Variants in RHOBTB3 observed in about 807,000 individuals in gnomAD.
RHOBTB3 encodes the protein Rho related BTB domain containing 3, also known as rho-related BTB domain-containing protein 3.
In RHOBTB3, 47 loss-of-function variants were observed where a neutral mutation model predicts 67.2. The observed-to-expected ratio is 0.70, with a 90% CI of 0.55 to 0.89. RHOBTB3 has a LOEUF of 0.89. Among genes scored for constraint, RHOBTB3 ranks in the 40% least tolerant of loss-of-function variants. RHOBTB3 has a pLI of 0.00. For synonymous variants in RHOBTB3, 273 were observed against 274.2 expected (o/e 1.00, Z 0.04); for missense variants, 631 against 750.0 (o/e 0.84, Z 1.85).
chr5:95,792,684 C>T (rs1480819377), intron 11 of RHOBTB3, among the ~76,000 whole-genome samples: 3 of 148,868 alleles, frequency 2.0e-5, no homozygotes, highest in African/African-American at 7.4e-5. Flanking sequence ...CCCAACTACT[C>T]GGGAGGCTGA....
In RHOBTB3 at chr5:95,755,648, C is replaced by G. The variant is rs183162694; in HGVS notation, c.935C>G (p.Thr312Ser). The stretch of plus-strand genomic sequence containing the variant: ...GATCTTTTTGCTATAAACAGAGATA[C>G]TGCATTTCCAGGTGCTAGCCATGAA... ...TQDLFAINRD[T>S]AFPGASHESS... Residue 312 changes from threonine to serine, a missense_variant, in exon 6 of 12, where the codon ACT (threonine) becomes AGT (serine). By Grantham distance (58) the Thr-to-Ser change is moderately conservative. Coordinates refer to ENST00000379982, the MANE Select transcript of RHOBTB3 (RefSeq NM_014899.4). 1 of 1,614,212 alleles carries G rather than the reference C, an allele frequency of 6.2e-7. No individual in the cohort carries two copies. Among genetic ancestry groups the G allele is most frequent in the South Asian group, 1.1e-5 (1 of 91,076 alleles).
chr5:95,751,493 A>T (rs781386756), intron 4 of RHOBTB3: 2 of 151,234 alleles, frequency 1.3e-5, no homozygotes, highest in Admixed American at 1.3e-4. Context: ...GAATATATAT[A>T]TATATTTGTT....
At chr5:95,773,433 A>C (rs944692959) in intron 8 of RHOBTB3, among the ~76,000 whole-genome samples, 8 of 152,078 alleles carry the variant, frequency 5.3e-5, no homozygotes, top group Non-Finnish European at 1.2e-4. Flanking sequence ...GGCAAGGCAC[A>C]CCAGCTCCTG....
chr5:95,793,149 G>C lies in RHOBTB3; in HGVS notation c.1811G>C (p.Arg604Pro), dbSNP rs374462478. ...GAATACAGGAAGTATATTCACTCCC[G>C]GAAATGTCGTTGCTTAGTAATGTAA... ...LAEYRKYIHS[R>P]KCRCLVM The change falls in exon 12 of 12, where the codon CGG (arginine) becomes CCG (proline). Residue 604 changes from arginine to proline, a missense_variant. By Grantham distance (103) the Arg-to-Pro change is moderately radical (BLOSUM62 -2). Transcript: ENST00000379982. 3 of 1,610,932 alleles carry C rather than the reference G, an allele frequency of 1.9e-6. No homozygotes were observed. Among genetic ancestry groups the C allele is most frequent in the Admixed American group, 3.4e-5 (2 of 59,594 alleles).
At chr5:95,728,902 C>G (rs1042210113), upstream of RHOBTB3, among the ~76,000 whole-genome samples, 1 of 152,182 alleles carries the variant, frequency 6.6e-6, no homozygotes, top group African/African-American at 2.4e-5. Flanking sequence ...CCTCACTGCT[C>G]ATTATATGCT....
intron 4 of RHOBTB3, chr5:95,751,437 G>A (rs1320050898): frequency 6.7e-6 from 1 of 148,308 alleles, no homozygotes; most frequent in African/African-American, 2.5e-5. Flanking sequence ...AGTCTAGCTT[G>A]AGCAACATAG....
chr5:95,755,392 A>G lies in RHOBTB3; in HGVS notation c.683-4A>G, dbSNP rs751641961. The G allele has an allele frequency of 4.2e-5, 63 of 1,498,142 alleles. No homozygotes were observed. Among genetic ancestry groups the G allele is most frequent in the Non-Finnish European group, 5.4e-5 (61 of 1,125,716 alleles). The allele number at this position is 1,498,142 out of a possible 1,614,324, so 92.8% of individuals were successfully genotyped here. On this transcript the variant is annotated splice_polypyrimidine_tract_variant and splice_region_variant and intron_variant, in intron 5 of 11. Transcript: ENST00000379982. ...TATTATTTTTATTTTCTTTTTCAAA[A>G]CAGAAAAAATGCCTGTCTTAAAGGC...
chr5:95,719,077 T>C (rs903830966), intron 1 of RHOBTB3, among the ~76,000 whole-genome samples: 1 of 151,420 alleles, frequency 6.6e-6, no homozygotes, highest in Non-Finnish European at 1.5e-5. Context: ...TGTTGAGGAG[T>C]TCATGAAGAC....
chr5:95,731,736 G>C, intron 1 of RHOBTB3, 52 bp downstream of exon 1: 1 of 1,611,804 alleles, frequency 6.2e-7, no homozygotes, highest in Non-Finnish European at 8.5e-7. Context: ...CGTGCCGTGC[G>C]CCCCAGGGAC....
chr5:95,779,451 G>C (rs1231897330), intron 8 of RHOBTB3, among the ~76,000 whole-genome samples: 4 of 152,204 alleles, frequency 2.6e-5, no homozygotes, highest in Non-Finnish European at 2.9e-5. Flanking sequence ...TGGAAGTAGA[G>C]AGCCCTGGCC....
At chr5:95,745,953 T>A (rs2112788326) in intron 3 of RHOBTB3, among the ~76,000 whole-genome samples, 1 of 152,138 alleles carries the variant, frequency 6.6e-6, no homozygotes, top group South Asian at 2.1e-4. Context: ...AAGTAACTAT[T>A]AAGAAACAAA....
chr5:95,781,677 C>G (rs921121928), intron 9 of RHOBTB3: 3 of 152,296 alleles, frequency 2.0e-5, no homozygotes, highest in Non-Finnish European at 4.4e-5. Flanking sequence ...TGGTGAAACC[C>G]CGTCTCTACT....
At chr5:95,734,392 G>C (rs571191302) in intron 2 of RHOBTB3, among the ~76,000 whole-genome samples, 1 of 152,226 alleles carries the variant, frequency 6.6e-6, no homozygotes, top group African/African-American at 2.4e-5. Context: ...TACAAGGGGT[G>C]GGAGAATTTG....
intron 8 of RHOBTB3, among the ~76,000 whole-genome samples, chr5:95,771,539 A>G (rs1380912191): frequency 1.3e-5 from 2 of 152,222 alleles, no homozygotes; most frequent in Non-Finnish European, 2.9e-5. Context: ...AAAAAAGCTA[A>G]CAAGAGGACA....
chr5:95,729,372 G>C (rs1755152042), upstream of RHOBTB3, among the ~76,000 whole-genome samples: 1 of 152,120 alleles, frequency 6.6e-6, no homozygotes, highest in Non-Finnish European at 1.5e-5. Context: ...CACCTATTGA[G>C]TAACTAAGGA....
At chr5:95,753,078 G>A (rs1011764311) in intron 5 of RHOBTB3, among the ~76,000 whole-genome samples, 1 of 152,078 alleles carries the variant, frequency 6.6e-6, no homozygotes, top group African/African-American at 2.4e-5. Context: ...CTTGCAGTGA[G>A]CAGAGATTGT....
chr5:95,772,272 G>A (rs947070782), intron 8 of RHOBTB3, among the ~76,000 whole-genome samples: 5 of 152,172 alleles, frequency 3.3e-5, no homozygotes, highest in African/African-American at 1.2e-4. Context: ...TCCAGGGCCT[G>A]GTGAGTTCTG....
At chr5:95,742,037 T>C (rs1755616243) in intron 3 of RHOBTB3, among the ~76,000 whole-genome samples, 1 of 152,190 alleles carries the variant, frequency 6.6e-6, no homozygotes, top group South Asian at 2.1e-4. Flanking sequence ...AGCCCCTTCC[T>C]TATTTTCTGG....
intron 6 of RHOBTB3, 55 bp downstream of exon 6, chr5:95,755,816 A>G: frequency 6.3e-7 from 1 of 1,582,580 alleles, no homozygotes; most frequent in East Asian, 2.2e-5. Flanking sequence ...TGGAAATGAA[A>G]TGTGCCTGTG....
Sources: allele counts gnomAD v4.1 joint callset (sites outside exome capture counted in the v4.1 genomes callset), GRCh38; gene constraint gnomAD v4.1.1; transcripts MANE v1.5; gene names NCBI Gene and HGNC (gene_info 2026-07-23, HGNC 2026-07-21).